Variants in TENM3 observed in about 807,000 individuals in gnomAD.
The protein encoded by TENM3 is teneurin-3.
A neutral mutation model predicts 255.1 loss-of-function variants in TENM3; 63 were observed. The observed-to-expected ratio is 0.25, with a 90% CI of 0.20 to 0.30. TENM3 has a LOEUF of 0.30. Among genes scored for constraint, TENM3 ranks in the 10% least tolerant of loss-of-function variants. TENM3 has a pLI of 1.00. For synonymous variants in TENM3, 1,306 were observed against 1,322.3 expected, an observed-to-expected ratio of 0.99 and a Z score of 0.27; for missense variants, 2,929 against 3,461.1, an observed-to-expected ratio of 0.85 and a Z score of 3.86.
chr4:181,917,447 G>C, the TENM3 span, among the ~76,000 whole-genome samples: 1 of 152,058 alleles, frequency 6.6e-6, no homozygotes, highest in Non-Finnish European at 1.5e-5. Context: ...TCAGTGAAAT[G>C]TAATTGCTCT....
At chr4:182,564,958 G>C (rs1743624740) in intron 3 of TENM3, among the ~76,000 whole-genome samples, 1 of 152,128 alleles carries the variant, frequency 6.6e-6, no homozygotes, top group Non-Finnish European at 1.5e-5. Flanking sequence ...ATGAATATGT[G>C]CCGTCTTACT....
chr4:182,450,109 G>C (rs778804359), intron 3 of TENM3, among the ~76,000 whole-genome samples: 2 of 152,210 alleles, frequency 1.3e-5, no homozygotes, highest in Non-Finnish European at 2.9e-5. Flanking sequence ...TTGAAGATTT[G>C]ATCCCCTTCC....
the TENM3 span, among the ~76,000 whole-genome samples, chr4:182,064,501 T>C: frequency 2.6e-5 from 4 of 151,918 alleles, no homozygotes; most frequent in Non-Finnish European, 4.4e-5. Flanking sequence ...GAGAATGGCG[T>C]GAACCCGGGA....
chr4:182,393,659 T>C (rs536585954), intron 3 of TENM3, among the ~76,000 whole-genome samples: 1 of 152,316 alleles, frequency 6.6e-6, no homozygotes, highest in East Asian at 1.9e-4. Flanking sequence ...ATTTCTTTTA[T>C]GTGATCCTTT....
chr4:182,616,806 A>G (rs544000284), intron 4 of TENM3, among the ~76,000 whole-genome samples: 11 of 152,308 alleles, frequency 7.2e-5, no homozygotes, highest in Middle Eastern at 6.8e-3. Context: ...CTGGATGTCT[A>G]TTGAGAATCA....
rs143343426 is a variant in TENM3, at chr4:182,790,544, C to T, written c.5601+1155C>T. On this transcript the variant is annotated intron_variant, in intron 25 of 27. Coordinates refer to ENST00000511685, the MANE Select transcript of TENM3 (RefSeq NM_001080477.4). ...AAGCTCACTGTAGGATGCTACCTCT[C>T]TTACGGCAGCCCCCCACCTCTGGGA... Among the ~76,000 whole-genome samples, 316 of 152,324 alleles carry T rather than the reference C, an allele frequency of 2.1e-3. 1 individual carries two copies. The highest frequency in any genetic ancestry group is 7.2e-3 in the African/African-American group (301 of 41,584).
chr4:181,501,491 G>A, the TENM3 span, among the ~76,000 whole-genome samples: 1 of 151,504 alleles, frequency 6.6e-6, no homozygotes, highest in Non-Finnish European at 1.5e-5. Context: ...TGATTCTCCT[G>A]CCTCAGCCTC....
chr4:181,806,622 CT>C, the TENM3 span, among the ~76,000 whole-genome samples: 1 of 152,264 alleles, frequency 6.6e-6, no homozygotes, highest in Non-Finnish European at 1.5e-5. Context: ...GGCACACAGC[CT>C]TCAAGATGGC....
At chr4:181,926,997 C>T in the TENM3 span, among the ~76,000 whole-genome samples, 1 of 152,120 alleles carries the variant, frequency 6.6e-6, no homozygotes, top group Non-Finnish European at 1.5e-5. Context: ...CTACACTTTT[C>T]CCATGGTCTT....
chr4:182,344,204 C>G (rs1284679551), intron 2 of TENM3, among the ~76,000 whole-genome samples: 1 of 152,086 alleles, frequency 6.6e-6, no homozygotes, highest in African/African-American at 2.4e-5. Flanking sequence ...TTAAACAGAG[C>G]TAGTGAGTGG....
the TENM3 span, among the ~76,000 whole-genome samples, chr4:181,795,195 T>C: frequency 2.0e-5 from 3 of 152,158 alleles, no homozygotes; most frequent in Non-Finnish European, 2.9e-5. Flanking sequence ...AAAAGTTGCC[T>C]ACACTGAGTG....
the TENM3 span, among the ~76,000 whole-genome samples, chr4:181,769,081 A>G: frequency 6.6e-6 from 1 of 152,126 alleles, no homozygotes; most frequent in Non-Finnish European, 1.5e-5. Context: ...TATGGAATTG[A>G]TAATTGTTTG....
intron 3 of TENM3, among the ~76,000 whole-genome samples, chr4:182,448,641 G>T (rs945366142): frequency 5.9e-5 from 9 of 151,992 alleles, no homozygotes; most frequent in Non-Finnish European, 1.3e-4. Context: ...CGAGGAACAC[G>T]GCCGCTGCCC....
chr4:182,233,835 T>C (rs1756728239), intron 1 of TENM3, among the ~76,000 whole-genome samples: 1 of 152,272 alleles, frequency 6.6e-6, no homozygotes, highest in Non-Finnish European at 1.5e-5. Flanking sequence ...ACTGCAGATA[T>C]GCAACATCTG....
intron 3 of TENM3, among the ~76,000 whole-genome samples, chr4:182,486,839 G>A (rs1734787100): frequency 6.6e-6 from 1 of 152,160 alleles, no homozygotes; most frequent in African/African-American, 2.4e-5. Flanking sequence ...TAAGGAAACT[G>A]AAATTTCTAA....
chr4:182,055,484 A>C, the TENM3 span, among the ~76,000 whole-genome samples: 1 of 152,184 alleles, frequency 6.6e-6, no homozygotes, highest in Non-Finnish European at 1.5e-5. Flanking sequence ...TATGCATGTC[A>C]AAGTCACTTT....
the TENM3 span, among the ~76,000 whole-genome samples, chr4:181,553,513 C>T: frequency 1.3e-5 from 2 of 151,952 alleles, no homozygotes; most frequent in East Asian, 3.9e-4. Flanking sequence ...GCGATCTCGG[C>T]TCACTGCAAG....
chr4:181,620,073 C>A, the TENM3 span, among the ~76,000 whole-genome samples: 1 of 151,992 alleles, frequency 6.6e-6, no homozygotes, highest in Non-Finnish European at 1.5e-5. Context: ...CCAGCCTGGG[C>A]AACATAGGGA....
At chr4:181,524,648 C>T in the TENM3 span, among the ~76,000 whole-genome samples, 3 of 152,154 alleles carry the variant, frequency 2.0e-5, no homozygotes, top group African/African-American at 4.8e-5. Context: ...ATATAATCAT[C>T]AAAGAGCATC....
Sources: gnomAD v4.1 joint callset for allele counts (sites outside exome capture counted in the v4.1 genomes callset) on GRCh38, gnomAD v4.1.1 for gene constraint, MANE v1.5 for transcripts, NCBI Gene and HGNC (gene_info 2026-07-23, HGNC 2026-07-21) for gene names.